TMCO1: variants seen among roughly 807,000 people sequenced by gnomAD.
TMCO1 encodes transmembrane and coiled-coil domains 1, also known as calcium load-activated calcium channel.
Under a neutral mutation model 29.3 loss-of-function variants are expected in TMCO1, and 29 were observed. That is an observed-to-expected ratio of 0.99 (90% CI 0.74 to 1.35). TMCO1 has a LOEUF of 1.35. TMCO1 is among the 40% of genes most tolerant of loss of function. The probability of loss-of-function intolerance (pLI) is 0.00; values close to 1 mark genes in which losing one functional copy is unlikely to be tolerated. For missense variants in TMCO1, 173 were observed against 225.5 expected (o/e 0.77, Z 1.49); for synonymous variants, 80 against 77.1 (o/e 1.04, Z -0.20).
chr1:165,728,238 AC>A, intron 6 of TMCO1, 117 bp from the exon 7 acceptor site: 1 of 720,664 alleles, frequency 1.4e-6, no homozygotes, highest in South Asian at 1.4e-5. Flanking sequence ...AACCATTATG[AC>A]CTGCAATAGG....
At chr1:165,768,435 G>GT (rs1234686002) in intron 1 of TMCO1, 166 bp from the exon 2 acceptor site, 1 of 1,520,422 alleles carries the variant, frequency 6.6e-7, no homozygotes, top group South Asian at 1.2e-5. Context: ...CAAAACAACA[G>GT]TAACATGATG....
chr1:165,750,555 A>C (rs1365693900), intron 5 of TMCO1, among the ~76,000 whole-genome samples: 1 of 133,920 alleles, frequency 7.5e-6, no homozygotes, highest in Non-Finnish European at 1.5e-5. Flanking sequence ...AAAAAAAAGA[A>C]AAAAAAAAAA....
chr1:165,725,482 A>T (rs1417104502), downstream of TMCO1: 4 of 454,014 alleles, frequency 8.8e-6, no homozygotes, highest in East Asian at 6.9e-5. Context: ...TGTCATTTTT[A>T]AAAGTTTACT....
intron 6 of TMCO1, among the ~76,000 whole-genome samples, chr1:165,731,908 A>T (rs1571209653): frequency 6.6e-6 from 1 of 152,254 alleles, no homozygotes; most frequent in East Asian, 1.9e-4. Context: ...GTTACATTAC[A>T]CAGGTATTTG....
downstream of TMCO1, chr1:165,725,197 T>A: frequency 2.2e-6 from 1 of 453,174 alleles, no homozygotes; most frequent in South Asian, 1.6e-5. Flanking sequence ...TAAAGGGCAG[T>A]ATTGAAATAC....
intron 4 of TMCO1, among the ~76,000 whole-genome samples, chr1:165,753,424 G>C (rs956131203): frequency 4.1e-5 from 6 of 147,612 alleles, no homozygotes; most frequent in Admixed American, 6.8e-5. Context: ...AGTCAGTCGA[G>C]GTAGAGCCAC....
At position 165,727,540 on chromosome 1, in the gene TMCO1, G is replaced by A; in HGVS notation, c.*483C>T. 2 of 453,296 alleles carry A rather than the reference G, an allele frequency of 4.4e-6. No homozygotes were observed. The highest frequency in any genetic ancestry group is 3.1e-5 in the South Asian group (2 of 64,428). The allele number at this position is 453,296 out of a possible 1,614,324, so 28.1% of individuals were successfully genotyped here. On this transcript the variant is annotated 3_prime_UTR_variant, in exon 7 of 7. Coordinates refer to ENST00000367881, the MANE Select transcript of TMCO1 (RefSeq NM_019026.6). ...AACAAAATGAAACAGATCTCTCCTT[G>A]TACATAAAACAGCTAAAAATTTGGC...
downstream of TMCO1, chr1:165,726,233 C>T (rs1443257076): frequency 1.4e-6 from 1 of 699,538 alleles, no homozygotes; most frequent in South Asian, 1.5e-5. Flanking sequence ...AAGTCATTAC[C>T]ATCCATTATC....
chr1:165,756,230 T>A (rs73014634), intron 3 of TMCO1, among the ~76,000 whole-genome samples: 2,017 of 152,156 alleles, frequency 0.013, 53 homozygotes, highest in African/African-American at 0.047. Flanking sequence ...GACACAAGCA[T>A]CTGGAGCAGA....
chr1:165,755,156 A>G (rs73014627), intron 3 of TMCO1, among the ~76,000 whole-genome samples: 2,014 of 152,310 alleles, frequency 0.013, 52 homozygotes, highest in African/African-American at 0.047. Context: ...CAAGGTGACT[A>G]GCAAAAGGGA....
chr1:165,761,502 T>C (rs919255745), intron 2 of TMCO1, among the ~76,000 whole-genome samples: 2 of 151,596 alleles, frequency 1.3e-5, no homozygotes, highest in African/African-American at 4.9e-5. Context: ...TTCACTGCAC[T>C]CCAGCCTATG....
At chr1:165,744,336 A>T (rs933069672) in intron 5 of TMCO1, among the ~76,000 whole-genome samples, 4 of 152,170 alleles carry the variant, frequency 2.6e-5, no homozygotes, top group Non-Finnish European at 5.9e-5. Flanking sequence ...CAGTAAAACG[A>T]ATTATTTTCA....
At chr1:165,747,516 A>T (rs1651845483) in intron 5 of TMCO1, among the ~76,000 whole-genome samples, 1 of 152,236 alleles carries the variant, frequency 6.6e-6, no homozygotes, top group Non-Finnish European at 1.5e-5. Flanking sequence ...TTTTAGAGGA[A>T]GCTGACACTT....
intron 6 of TMCO1, among the ~76,000 whole-genome samples, chr1:165,741,774 A>C (rs1367230928): frequency 2.0e-5 from 3 of 149,452 alleles, no homozygotes; most frequent in African/African-American, 7.2e-5. Context: ...TGTTCTTGTG[A>C]TAGTGAGTGA....
At chr1:165,734,993 T>A (rs1571211989) in intron 6 of TMCO1, among the ~76,000 whole-genome samples, 1 of 152,172 alleles carries the variant, frequency 6.6e-6, no homozygotes, top group East Asian at 1.9e-4. Flanking sequence ...GAAATAAAAA[T>A]TCTGAAAGAT....
At chr1:165,735,031 T>C (rs1651314664) in intron 6 of TMCO1, among the ~76,000 whole-genome samples, 3 of 152,188 alleles carry the variant, frequency 2.0e-5, no homozygotes, top group Admixed American at 6.5e-5. Context: ...ACTAGAGTAA[T>C]GTCACTTCCT....
intron 2 of TMCO1, among the ~76,000 whole-genome samples, chr1:165,760,901 AC>A (rs1464778396): frequency 2.6e-5 from 4 of 152,194 alleles, no homozygotes; most frequent in Non-Finnish European, 4.4e-5. Flanking sequence ...GTCAAAAATT[AC>A]CTTTACTTAG....
At chr1:165,756,991 A>T (rs1421085800) in intron 3 of TMCO1, among the ~76,000 whole-genome samples, 1 of 152,190 alleles carries the variant, frequency 6.6e-6, no homozygotes, top group African/African-American at 2.4e-5. Context: ...GATGAACACC[A>T]AATGAGCAAA....
chr1:165,768,605 T>TC, intron 1 of TMCO1, 77 bp downstream of exon 1: 1 of 1,610,846 alleles, frequency 6.2e-7, no homozygotes, highest in Non-Finnish European at 8.5e-7. Flanking sequence ...TCGCGATCTT[T>TC]CCCCTGGTGG....
Sources: gnomAD v4.1 joint callset for allele counts (sites outside exome capture counted in the v4.1 genomes callset) on GRCh38, gnomAD v4.1.1 for gene constraint, MANE v1.5 for transcripts, NCBI Gene and HGNC (gene_info 2026-07-23, HGNC 2026-07-21) for gene names.